TTC6: variants seen among roughly 807,000 people sequenced by gnomAD.
TTC6 encodes the protein tetratricopeptide repeat domain 6, also known as tetratricopeptide repeat protein 6.
A neutral mutation model predicts 210.4 loss-of-function variants in TTC6; 172 were observed. That is an observed-to-expected ratio of 0.82 (90% confidence interval 0.72 to 0.93). The LOEUF (loss-of-function observed/expected upper bound fraction) is 0.93, where lower values mean the gene tolerates loss of function less well. Ranked by LOEUF, TTC6 falls within the 40% of genes least tolerant of loss-of-function variation. TTC6 has a pLI of 0.00. For missense variants in TTC6, 2,414 were observed against 2,318.1 expected (o/e 1.04, Z -0.85); for synonymous variants, 804 against 819.6 (o/e 0.98, Z 0.32).
At chr14:37,812,252 T>A (rs1336034220) in intron 24 of TTC6, 62 bp from the exon 27 acceptor site, 1 of 1,560,186 alleles carries the variant, frequency 6.4e-7, no homozygotes, top group Non-Finnish European at 8.7e-7. Flanking sequence ...AATACGTTTG[T>A]CCATAGCCAA....
At chr14:37,612,322 C>T (rs771368404) in intron 2 of TTC6, among the ~76,000 whole-genome samples, 1 of 152,170 alleles carries the variant, frequency 6.6e-6, no homozygotes, top group Non-Finnish European at 1.5e-5. Context: ...AGAAAGCATA[C>T]AGTATATGCT....
At chr14:37,725,657 T>C (rs190056491) in intron 7 of TTC6, among the ~76,000 whole-genome samples, 98 of 152,030 alleles carry the variant, frequency 6.4e-4, no homozygotes, top group South Asian at 2.3e-3. Context: ...GCCATAGTTT[T>C]ATATATTATG....
intron 3 of TTC6, among the ~76,000 whole-genome samples, chr14:37,696,208 C>G (rs1358420692): frequency 6.6e-6 from 1 of 152,112 alleles, no homozygotes; most frequent in Non-Finnish European, 1.5e-5. Flanking sequence ...AGGAGGGCCT[C>G]CCTGATTTCT....
chr14:37,617,101 C>T (rs1261514432), upstream of TTC6, among the ~76,000 whole-genome samples: 1 of 152,108 alleles, frequency 6.6e-6, no homozygotes, highest in African/African-American at 2.4e-5. Context: ...GTCTTGAACT[C>T]CTGGGCTCAA....
intron 13 of TTC6, among the ~76,000 whole-genome samples, chr14:37,752,820 G>A (rs1036195814): frequency 2.0e-5 from 3 of 151,590 alleles, no homozygotes; most frequent in Non-Finnish European, 4.4e-5. Flanking sequence ...ATTCACTTAT[G>A]AATTTTTATC....
chr14:37,835,120 C>T (rs1316282525), intron 29 of TTC6, among the ~76,000 whole-genome samples: 2 of 152,158 alleles, frequency 1.3e-5, no homozygotes, highest in African/African-American at 4.8e-5. Context: ...AGTCTTTGCA[C>T]TCCTGGCAGG....
At chr14:37,742,991 A>G (rs1200064465) in intron 10 of TTC6, among the ~76,000 whole-genome samples, 1 of 152,230 alleles carries the variant, frequency 6.6e-6, no homozygotes, top group Non-Finnish European at 1.5e-5. Flanking sequence ...TTATTTTTAT[A>G]TCAACGATAT....
At chr14:37,638,467 C>T (rs1412174866) in intron 1 of TTC6, among the ~76,000 whole-genome samples, 2 of 152,036 alleles carry the variant, frequency 1.3e-5, no homozygotes, top group Non-Finnish European at 2.9e-5. Flanking sequence ...GTTGGCTAGG[C>T]TGGTCTTGAA....
exon 1 of TTC6, chr14:37,622,462 T>C: frequency 6.5e-7 from 1 of 1,535,016 alleles, no homozygotes; most frequent in East Asian, 2.5e-5. Context: ...CACCAGGCCC[T>C]GAAAAAGCCC....
intron 1 of TTC6, among the ~76,000 whole-genome samples, chr14:37,644,282 A>G (rs546835503): frequency 6.6e-6 from 1 of 152,174 alleles, no homozygotes; most frequent in Admixed American, 6.5e-5. Context: ...AGGTAATGCA[A>G]TACCAATGTG....
intron 1 of TTC6, among the ~76,000 whole-genome samples, chr14:37,596,371 C>CCGCAGCG (rs1427528889): frequency 6.6e-6 from 1 of 152,278 alleles, no homozygotes; most frequent in Non-Finnish European, 1.5e-5. Flanking sequence ...CCGAGACTGC[C>CCGCAGCG]CGCAGCGGCG....
chr14:37,788,358 G>A (rs962042380), intron 15 of TTC6, among the ~76,000 whole-genome samples: 6 of 152,110 alleles, frequency 3.9e-5, no homozygotes, highest in Non-Finnish European at 8.8e-5. Context: ...TGGGTGCAAA[G>A]TTCTGGAATC....
At chr14:37,812,196 A>G (rs1368836028) in intron 24 of TTC6, 118 bp from the exon 27 acceptor site, 3 of 1,069,372 alleles carry the variant, frequency 2.8e-6, no homozygotes, top group African/African-American at 3.2e-5. Context: ...GCCATAAATT[A>G]TAAAACAAAT....
chr14:37,783,507 T>G (rs148668237), intron 14 of TTC6, among the ~76,000 whole-genome samples: 2 of 152,208 alleles, frequency 1.3e-5, no homozygotes, highest in African/African-American at 2.4e-5. Context: ...TGCATCTATT[T>G]GATTCTTCTT....
At chr14:37,669,589 A>G (rs966305662) in intron 1 of TTC6, among the ~76,000 whole-genome samples, 5 of 152,236 alleles carry the variant, frequency 3.3e-5, no homozygotes, top group Admixed American at 6.5e-5. Context: ...TTATTTATCT[A>G]CACATCAATA....
intron 2 of TTC6, among the ~76,000 whole-genome samples, chr14:37,681,308 G>GAAATCTTCATTAATAGAATAAAC (rs2095783080): frequency 6.6e-6 from 1 of 152,034 alleles, no homozygotes; most frequent in Non-Finnish European, 1.5e-5. Context: ...TAGCCAAATA[G>GAAATCTTCATTAATAGAATAAAC]AAATCTTCAT....
chr14:37,660,975 A>G (rs577155295), intron 1 of TTC6, among the ~76,000 whole-genome samples: 10 of 152,138 alleles, frequency 6.6e-5, no homozygotes, highest in Non-Finnish European at 1.2e-4. Flanking sequence ...TGGCTACATG[A>G]ATGTCTTCTT....
chr14:37,687,254 C>G (rs2095795786), intron 3 of TTC6, among the ~76,000 whole-genome samples: 1 of 152,116 alleles, frequency 6.6e-6, no homozygotes, highest in South Asian at 2.1e-4. Flanking sequence ...CCAAACTCAG[C>G]TGGTGCCTGC....
intron 10 of TTC6, among the ~76,000 whole-genome samples, chr14:37,740,091 G>T (rs2095914404): frequency 6.7e-6 from 1 of 150,350 alleles, no homozygotes; most frequent in Admixed American, 6.7e-5. Flanking sequence ...GTGAACCCAG[G>T]AGGTGGAGCT....
Sources: allele counts gnomAD v4.1 joint callset (sites outside exome capture counted in the v4.1 genomes callset), GRCh38; gene constraint gnomAD v4.1.1; transcripts MANE v1.5; gene names NCBI Gene and HGNC (gene_info 2026-07-23, HGNC 2026-07-21).